GNG2: variants seen among roughly 807,000 people sequenced by gnomAD.
The protein encoded by GNG2 is guanine nucleotide-binding protein G(I)/G(S)/G(O) subunit gamma-2.
GNG2 carries 5 observed loss-of-function variants against 5.5 expected under a neutral mutation model. The ratio of observed to expected loss-of-function variants is 0.91; its 90% CI spans 0.48 to 1.92. GNG2 has a LOEUF of 1.92. GNG2 is among the 30% of genes most tolerant of loss of function. The pLI, the probability that GNG2 is intolerant of heterozygous loss-of-function variation, is 0.01. For missense variants in GNG2, 55 were observed against 88.4 expected, an observed-to-expected ratio of 0.62 and a Z score of 1.52; for synonymous variants, 28 against 32.0, an observed-to-expected ratio of 0.88 and a Z score of 0.42.
At chr14:51,926,102 A>C (rs1887302990) in intron 2 of GNG2, among the ~76,000 whole-genome samples, 1 of 152,000 alleles carries the variant, frequency 6.6e-6, no homozygotes, top group African/African-American at 2.4e-5. Flanking sequence ...TTGAGACGGT[A>C]AAGTGTCCAA....
chr14:51,950,566 T>G, intron 2 of GNG2, 84 bp from the exon 3 acceptor site: 4 of 822,302 alleles, frequency 4.9e-6, no homozygotes, highest in Non-Finnish European at 7.9e-6. Context: ...GCCACTGCTT[T>G]GAGATCCCCT....
In GNG2 at chr14:51,877,667, C is replaced by T. The variant is rs878917708; in HGVS notation, c.-30+10C>T. The T allele has an allele frequency of 6.6e-6, 3 of 453,744 alleles. No individual in the cohort carries two copies. The highest frequency in any genetic ancestry group is 2.4e-5 in the Admixed American group (1 of 42,212). 28.1% of individuals were successfully genotyped at this position (453,744 alleles called of 1,614,324 possible). A position where few individuals can be genotyped will look rare whatever the true frequency, so the allele number is the denominator to read the frequency against. ...TTTAGGAACTGAAGAGGTAAGAATTCCAAAATATTTTCTTCTAGAATCTTG... is the reference window on the plus strand; with the variant it reads ...TTTAGGAACTGAAGAGGTAAGAATTTCAAAATATTTTCTTCTAGAATCTTG... On this transcript the variant is annotated intron_variant, in intron 2 of 3. Coordinates refer to ENST00000556766, the MANE Select transcript of GNG2 (RefSeq NM_053064.5).
chr14:51,966,681 C>T lies in GNG2; in HGVS notation c.210C>T (p.Ile70=). Residue 70 remains isoleucine, a synonymous_variant, in exon 4 of 4, where the codon ATC becomes ATT. Coordinates refer to ENST00000556766, the MANE Select transcript of GNG2 (RefSeq NM_053064.5). The stretch of plus-strand genomic sequence containing the variant: ...GGGAGAAGAAGTTTTTCTGTGCCAT[C>T]CTTTAAGTCTTTGAGAGGGGCCTGA... ...PFREKKFFCA[I]L 6.2e-7 allele frequency: 1 copy of T among 1,613,754 alleles called. No homozygotes were observed. The highest frequency in any genetic ancestry group is 8.5e-7 in the Non-Finnish European group (1 of 1,179,738).
At chr14:51,900,179 T>C (rs1418358699) in intron 2 of GNG2, among the ~76,000 whole-genome samples, 1 of 152,212 alleles carries the variant, frequency 6.6e-6, no homozygotes, top group Non-Finnish European at 1.5e-5. Flanking sequence ...ACTTGTTATT[T>C]TCTGTTTTTT....
At chr14:51,862,482 T>C (rs748891253) in intron 1 of GNG2, among the ~76,000 whole-genome samples, 2 of 152,240 alleles carry the variant, frequency 1.3e-5, no homozygotes, top group African/African-American at 4.8e-5. Flanking sequence ...AAGCTGTGCA[T>C]CATGAAATGA....
upstream of GNG2, among the ~76,000 whole-genome samples, chr14:51,858,462 G>A (rs1253294881): frequency 6.6e-6 from 1 of 152,114 alleles, no homozygotes; most frequent in Non-Finnish European, 1.5e-5. Context: ...GTTTGAAAGA[G>A]GTTTTCCTAT....
At chr14:51,943,263 TGTC>T (rs1888452986) in intron 2 of GNG2, among the ~76,000 whole-genome samples, 2 of 152,216 alleles carry the variant, frequency 1.3e-5, no homozygotes, top group South Asian at 4.1e-4. Flanking sequence ...TTGTTGTTGT[TGTC>T]ATTTGTCTTT....
chr14:51,927,013 C>T (rs1288613566), intron 2 of GNG2, among the ~76,000 whole-genome samples: 1 of 152,204 alleles, frequency 6.6e-6, no homozygotes, highest in South Asian at 2.1e-4. Flanking sequence ...TATTACTTAT[C>T]CGAAGCTGAT....
intron 2 of GNG2, among the ~76,000 whole-genome samples, chr14:51,851,119 G>A (rs1953866): frequency 0.23 from 34,773 of 152,134 alleles, 4,918 homozygotes; most frequent in East Asian, 0.67. Context: ...TCTAGAGAGG[G>A]TGGAAGGATG....
chr14:51,932,685 G>A (rs1009786647), intron 2 of GNG2, among the ~76,000 whole-genome samples: 6 of 152,128 alleles, frequency 3.9e-5, no homozygotes, highest in African/African-American at 9.7e-5. Context: ...GCAGATCACC[G>A]AAGTCAAGTG....
intron 3 of GNG2, chr14:51,952,155 A>G (rs553637070): frequency 6.6e-5 from 29 of 442,536 alleles, no homozygotes; most frequent in African/African-American, 5.8e-4. Context: ...GAGTGAAGAG[A>G]GAGCTCTTCT....
intron 2 of GNG2, among the ~76,000 whole-genome samples, chr14:51,914,676 C>T (rs747764140): frequency 9.2e-5 from 14 of 152,246 alleles, no homozygotes; most frequent in South Asian, 8.3e-4. Context: ...CTGGTAGATC[C>T]GGTAACAAAG....
At chr14:51,946,430 A>T (rs1322254377) in intron 2 of GNG2, among the ~76,000 whole-genome samples, 1 of 152,244 alleles carries the variant, frequency 6.6e-6, no homozygotes, top group Non-Finnish European at 1.5e-5. Context: ...ATAGATGTAC[A>T]TTCTACATTG....
intron 2 of GNG2, among the ~76,000 whole-genome samples, chr14:51,834,349 C>T (rs1881277912): frequency 6.6e-6 from 1 of 152,214 alleles, no homozygotes; most frequent in Admixed American, 6.5e-5. Context: ...TGGCTTCCAT[C>T]CCTGCACTTG....
chr14:51,952,521 A>G (rs758777142), intron 3 of GNG2, among the ~76,000 whole-genome samples: 9 of 152,182 alleles, frequency 5.9e-5, no homozygotes, highest in Non-Finnish European at 1.2e-4. Flanking sequence ...GGTTCTGCCC[A>G]TGGGCCTTCT....
At chr14:51,919,044 C>T (rs1038898362) in intron 2 of GNG2, among the ~76,000 whole-genome samples, 2 of 152,120 alleles carry the variant, frequency 1.3e-5, no homozygotes, top group Admixed American at 6.6e-5. Flanking sequence ...AGGCTGGTCT[C>T]GAACTCCTGA....
At chr14:51,962,135 T>A (rs1268633017) in intron 3 of GNG2, among the ~76,000 whole-genome samples, 1 of 152,192 alleles carries the variant, frequency 6.6e-6, no homozygotes, top group Admixed American at 6.6e-5. Context: ...ATCATGTTTT[T>A]AAATTACAAA....
At chr14:51,842,864 C>G (rs1423726385) in intron 2 of GNG2, among the ~76,000 whole-genome samples, 1 of 152,048 alleles carries the variant, frequency 6.6e-6, no homozygotes, top group Non-Finnish European at 1.5e-5. Context: ...AGGGTTTTGC[C>G]GTGTTGTCTA....
rs1555348001 is a variant in GNG2, at chr14:51,847,875, C to CTT, written c.64+20072_64+20073dup. On this transcript the variant is annotated intron_variant, in intron 2 of 3. Coordinates refer to the GNG2 transcript ENST00000553432. The stretch of plus-strand genomic sequence containing the variant: ...GGATGTTACTCTATGAATACAGGTC[C>CTT]TTTTTCTTTTTTTTTTTTTTTTTTT... Among the ~76,000 whole-genome samples, 14 of 66,176 alleles carry CTT rather than the reference C, an allele frequency of 2.1e-4. 1 individual carries two copies. The highest frequency in any genetic ancestry group is 3.5e-4 in the African/African-American group (8 of 22,548). The allele number at this position is 66,176 out of a possible 152,430, so 43.4% of individuals were successfully genotyped here.
Sources: gnomAD v4.1 joint callset for allele counts (sites outside exome capture counted in the v4.1 genomes callset) on GRCh38, gnomAD v4.1.1 for gene constraint, MANE v1.5 for transcripts, NCBI Gene and HGNC (gene_info 2026-07-23, HGNC 2026-07-21) for gene names.